Variants in THSD7A observed in about 807,000 individuals in gnomAD.
THSD7A encodes the protein thrombospondin type 1 domain containing 7A.
Under a neutral mutation model 231.3 loss-of-function variants are expected in THSD7A, and 96 were observed. The observed-to-expected ratio is 0.41, with a 90% confidence interval of 0.35 to 0.49. The LOEUF (loss-of-function observed/expected upper bound fraction) is 0.49, where lower values mean the gene tolerates loss of function less well. Among genes scored for constraint, THSD7A ranks in the 20% least tolerant of loss-of-function variants. THSD7A has a pLI of 0.05. For missense variants in THSD7A, 2,290 were observed against 2,070.2 expected (o/e 1.11, Z -2.06); for synonymous variants, 940 against 743.3 (o/e 1.26, Z -4.30).
At chr7:11,566,114 GA>G (rs57130915) in intron 4 of THSD7A, among the ~76,000 whole-genome samples, 3,589 of 152,154 alleles carry the variant, frequency 0.024, 121 homozygotes, top group African/African-American at 0.082. Flanking sequence ...AAACAAATAC[GA>G]AAGGTCAAAT....
intron 2 of THSD7A, among the ~76,000 whole-genome samples, chr7:11,621,759 T>G (rs1224985493): frequency 6.6e-6 from 1 of 152,132 alleles, no homozygotes; most frequent in African/African-American, 2.4e-5. Flanking sequence ...AAATTCTGCA[T>G]TCATAAATTG....
At chr7:11,784,175 T>C (rs1783717226) in intron 1 of THSD7A, among the ~76,000 whole-genome samples, 1 of 151,948 alleles carries the variant, frequency 6.6e-6, no homozygotes, top group African/African-American at 2.4e-5. Context: ...GAAAACCATA[T>C]ATATGTATGT....
intron 4 of THSD7A, among the ~76,000 whole-genome samples, chr7:11,577,567 T>C (rs1484646559): frequency 6.6e-6 from 1 of 151,716 alleles, no homozygotes; most frequent in East Asian, 1.9e-4. Flanking sequence ...TCTGCCCGCC[T>C]CAGCCTCCCA....
At chr7:11,544,805 C>T (rs990211034) in intron 4 of THSD7A, among the ~76,000 whole-genome samples, 1 of 148,770 alleles carries the variant, frequency 6.7e-6, no homozygotes, top group African/African-American at 2.5e-5. Flanking sequence ...ACATCTCCCC[C>T]GCCTCCCCAC....
chr7:11,425,305 C>G (rs1562599565), intron 15 of THSD7A, among the ~76,000 whole-genome samples: 1 of 151,982 alleles, frequency 6.6e-6, no homozygotes, highest in Non-Finnish European at 1.5e-5. Context: ...GGCCTATTTT[C>G]CAGATAACTA....
In THSD7A at chr7:11,406,585, G is replaced by T; in HGVS notation, c.4063-111C>A. ...CTTTGATTTATGAACATTTAGAGAAGGATTTGAAACCCTAGGGAAGAAGCC... is the reference window on the plus strand; with the variant it reads ...CTTTGATTTATGAACATTTAGAGAATGATTTGAAACCCTAGGGAAGAAGCC... On this transcript the variant is annotated intron_variant, in intron 21 of 27. Transcript: ENST00000423059. The surrounding 1 kb of genome is among the most constrained non-coding windows in gnomAD (Gnocchi z 4.7). 1 of 1,224,414 alleles carries T rather than the reference G, an allele frequency of 8.2e-7. No individual in the cohort carries two copies. The highest frequency in any genetic ancestry group is 1.1e-6 in the Non-Finnish European group (1 of 900,390). 75.8% of individuals were successfully genotyped at this position (1,224,414 alleles called of 1,614,324 possible). A position where few individuals can be genotyped will look rare whatever the true frequency, so the allele number is the denominator to read the frequency against.
intron 1 of THSD7A, among the ~76,000 whole-genome samples, chr7:11,686,413 T>G (rs1191572567): frequency 6.6e-6 from 1 of 151,888 alleles, no homozygotes; most frequent in East Asian, 1.9e-4. Context: ...ACTATAATGT[T>G]CTGGAGAAGA....
intron 2 of THSD7A, among the ~76,000 whole-genome samples, chr7:11,604,539 A>C (rs1780672932): frequency 6.6e-6 from 1 of 151,484 alleles, no homozygotes; most frequent in South Asian, 2.1e-4. Flanking sequence ...TTTTTAAAAA[A>C]TGTTTCTTTT....
intron 23 of THSD7A, chr7:11,385,559 ATAAATTACAT>A (rs1483677978): frequency 6.6e-6 from 1 of 152,020 alleles, no homozygotes; most frequent in East Asian, 1.9e-4. Flanking sequence ...TGTTAATGTG[ATAAATTACAT>A]TAAGAGATTT....
At chr7:11,575,583 G>A (rs1033442954) in intron 4 of THSD7A, among the ~76,000 whole-genome samples, 3 of 152,288 alleles carry the variant, frequency 2.0e-5, no homozygotes, top group African/African-American at 2.4e-5. Flanking sequence ...CAGAAGAGCT[G>A]TACTCCAGAT....
In THSD7A at chr7:11,382,419, A is replaced by C. The variant is rs974197490; in HGVS notation, c.4507+102T>G. On this transcript the variant is annotated intron_variant, in intron 24 of 27. Transcript: ENST00000423059. ...CATCCTGAATCCCAAACAGGCTTTGAATACTGAAAGAGTAACTTTGTTTCC... is the reference window on the plus strand; with the variant it reads ...CATCCTGAATCCCAAACAGGCTTTGCATACTGAAAGAGTAACTTTGTTTCC... 34 of 953,798 alleles carry C rather than the reference A, an allele frequency of 3.6e-5. No homozygotes were observed. The African/African-American group carries it at 5.2e-4, about 15-fold the overall frequency. 59.1% of individuals were successfully genotyped at this position (953,798 alleles called of 1,614,324 possible). A position where few individuals can be genotyped will look rare whatever the true frequency, so the allele number is the denominator to read the frequency against.
intron 2 of THSD7A, among the ~76,000 whole-genome samples, chr7:11,602,586 G>A (rs1243532993): frequency 2.0e-5 from 3 of 151,744 alleles, no homozygotes; most frequent in East Asian, 1.9e-4. Flanking sequence ...TTTTTTGTTC[G>A]CTTATTGGTG....
chr7:11,826,633 G>A (rs963306028), intron 1 of THSD7A, among the ~76,000 whole-genome samples: 16 of 152,054 alleles, frequency 1.1e-4, no homozygotes, highest in African/African-American at 4.8e-5. Context: ...CCAACATGGT[G>A]AAACCCAGTC....
chr7:11,808,695 T>C (rs1784456715), intron 1 of THSD7A, among the ~76,000 whole-genome samples: 1 of 152,190 alleles, frequency 6.6e-6, no homozygotes, highest in Non-Finnish European at 1.5e-5. Flanking sequence ...GGGTCTTTAT[T>C]CTTTACTAGT....
In THSD7A at chr7:11,758,402, G is replaced by GA. The variant is rs199827118; in HGVS notation, c.190+73354dup. On this transcript the variant is annotated intron_variant, in intron 1 of 27. Coordinates refer to ENST00000423059, the MANE Select transcript of THSD7A (RefSeq NM_015204.3). ...CTGATATCAGAGGAACTCAGATGCA[G>GA]AAAAAAATAAGAAAGCATGAATGCA... is the stretch of plus-strand genomic sequence containing the variant. Among the ~76,000 whole-genome samples the GA allele has an allele frequency of 8.9e-3, 1,346 of 152,064 alleles. 16 individuals are homozygous for GA. The highest frequency in any genetic ancestry group is 0.028 in the African/African-American group (1,180 of 41,500).
At chr7:11,790,297 G>A (rs1416958469) in intron 1 of THSD7A, among the ~76,000 whole-genome samples, 4 of 151,848 alleles carry the variant, frequency 2.6e-5, no homozygotes, top group African/African-American at 4.8e-5. Context: ...CTATTTAAAA[G>A]AGTGAGTTGT....
intron 1 of THSD7A, among the ~76,000 whole-genome samples, chr7:11,738,496 C>T (rs555867626): frequency 6.6e-6 from 1 of 152,068 alleles, no homozygotes; most frequent in East Asian, 1.9e-4. Context: ...TTTGAAGTGG[C>T]AGTATGATGT....
intron 1 of THSD7A, among the ~76,000 whole-genome samples, chr7:11,745,612 A>C (rs11974175): frequency 6.6e-6 from 1 of 151,986 alleles, no homozygotes; most frequent in African/African-American, 2.4e-5. Context: ...ATCTTGAATT[A>C]ATTTTTGTAC....
chr7:11,728,664 T>C (rs978138152), intron 1 of THSD7A, among the ~76,000 whole-genome samples: 1 of 151,922 alleles, frequency 6.6e-6, no homozygotes, highest in Non-Finnish European at 1.5e-5. Context: ...ACTATATAAA[T>C]GCATTTTGTA....
Sources: allele counts gnomAD v4.1 joint callset (sites outside exome capture counted in the v4.1 genomes callset), GRCh38; gene constraint gnomAD v4.1.1; non-coding constraint Gnocchi (gnomAD v3.1); transcripts MANE v1.5; gene names NCBI Gene and HGNC (gene_info 2026-07-23, HGNC 2026-07-21).